BCKDHB: variants seen among roughly 807,000 people sequenced by gnomAD.
BCKDHB encodes the protein branched chain keto acid dehydrogenase E1 subunit beta.
Under a neutral mutation model 48.5 loss-of-function variants are expected in BCKDHB, and 41 were observed. That is an observed-to-expected ratio of 0.85 (90% confidence interval 0.66 to 1.10). The LOEUF is 1.10. BCKDHB is among the 50% of genes least tolerant of loss of function. BCKDHB has a pLI of 0.00. For missense variants in BCKDHB, 496 were observed against 494.2 expected (o/e 1.00, Z -0.03); for synonymous variants, 201 against 174.8 (o/e 1.15, Z -1.18).
At chr6:80,138,230 A>T (rs1371474706) in intron 3 of BCKDHB, among the ~76,000 whole-genome samples, 1 of 152,064 alleles carries the variant, frequency 6.6e-6, no homozygotes, top group Non-Finnish European at 1.5e-5. Context: ...TGTACTATAT[A>T]TTTTTCCCTC....
intron 8 of BCKDHB, among the ~76,000 whole-genome samples, chr6:80,255,253 A>AT (rs1218970587): frequency 3.3e-5 from 5 of 152,352 alleles, no homozygotes; most frequent in African/African-American, 1.2e-4. Context: ...GATAAGTACC[A>AT]TAATTATTTA....
At position 80,170,787 on chromosome 6, in the gene BCKDHB, T is replaced by C. The variant is rs144713640; in HGVS notation, c.634-495T>C. 1.7e-3 allele frequency among the ~76,000 whole-genome samples: 264 copies of C among 152,314 alleles called. 1 individual carries two copies. Among genetic ancestry groups the C allele is most frequent in the African/African-American group, 6.0e-3 (250 of 41,592 alleles). Reference sequence around the variant, plus strand: ...TAACTGGACACTATGGTGCCTGGACTGTAAAACTCAGTGGACTAATTTTTC... The same window carrying C: ...TAACTGGACACTATGGTGCCTGGACCGTAAAACTCAGTGGACTAATTTTTC... On this transcript the variant is annotated intron_variant, in intron 5 of 9. Transcript: ENST00000320393.
the BCKDHB span, among the ~76,000 whole-genome samples, chr6:80,358,285 A>G: frequency 1.3e-5 from 2 of 152,148 alleles, no homozygotes; most frequent in African/African-American, 4.8e-5. Flanking sequence ...TATACAGTAA[A>G]TATACACATA....
the BCKDHB span, among the ~76,000 whole-genome samples, chr6:80,420,740 A>T: frequency 1.3e-5 from 2 of 152,152 alleles, no homozygotes; most frequent in Admixed American, 1.3e-4. Context: ...CAGTGGTCCC[A>T]GACTATTCAG....
At chr6:80,438,945 T>C in the BCKDHB span, among the ~76,000 whole-genome samples, 366 of 152,184 alleles carry the variant, frequency 2.4e-3, 2 homozygotes, top group African/African-American at 8.5e-3. Context: ...CAGAGACAGA[T>C]TCCATCTGAA....
the BCKDHB span, among the ~76,000 whole-genome samples, chr6:80,444,797 T>C: frequency 6.6e-6 from 1 of 152,244 alleles, no homozygotes; most frequent in African/African-American, 2.4e-5. Flanking sequence ...AATTTTGTGT[T>C]TTATTATTTA....
Position 80,175,176 on chromosome 6 carries a change from G to A in BCKDHB, c.742+3786G>A, listed in dbSNP as rs138324125. On this transcript the variant is annotated intron_variant, in intron 6 of 9. Transcript: ENST00000320393. Reference sequence around the variant, plus strand: ...CTAGGTAGCTGCACCAGCTCCCAATGCCACATATGTATTTCAGCTACCAGG... The same window carrying A: ...CTAGGTAGCTGCACCAGCTCCCAATACCACATATGTATTTCAGCTACCAGG... 1.7e-3 allele frequency among the ~76,000 whole-genome samples: 265 copies of A among 152,198 alleles called. 1 individual carries two copies. The highest frequency in any genetic ancestry group is 6.0e-3 in the African/African-American group (251 of 41,540).
the BCKDHB span, among the ~76,000 whole-genome samples, chr6:80,388,799 A>G: frequency 6.6e-6 from 1 of 152,178 alleles, no homozygotes; most frequent in Non-Finnish European, 1.5e-5. Flanking sequence ...GCACCAGCTG[A>G]AAGTGGACAG....
chr6:80,333,257 C>G (rs1475663862), intron 9 of BCKDHB, among the ~76,000 whole-genome samples: 1 of 152,110 alleles, frequency 6.6e-6, no homozygotes, highest in Non-Finnish European at 1.5e-5. Flanking sequence ...TGTTGTACAC[C>G]TGTGTGATAG....
chr6:80,405,332 T>G, the BCKDHB span, among the ~76,000 whole-genome samples: 7 of 152,192 alleles, frequency 4.6e-5, no homozygotes, highest in African/African-American at 1.7e-4. Flanking sequence ...GTCTATTTTG[T>G]CTTATATAAG....
In BCKDHB at chr6:80,106,840, G is replaced by T. The variant is rs1769090217; in HGVS notation, c.147G>T (p.Arg49=). Residue 49 remains arginine (R), a synonymous_variant, in exon 1 of 10, where the codon CGG becomes CGT. Coordinates refer to ENST00000320393, the MANE Select transcript of BCKDHB (RefSeq NM_183050.4). ...CTGTCGAGGATGCGGCCCAGAGGCG[G>T]CAGGTGGCTCATTTTACTTTCCAGC... ...AATVEDAAQR[R]QVAHFTFQPD... is the part of the protein sequence containing the mutation. 1 of 1,610,418 alleles carries T rather than the reference G, an allele frequency of 6.2e-7. No homozygotes were observed.
chr6:80,418,801 C>A, the BCKDHB span, among the ~76,000 whole-genome samples: 1 of 152,118 alleles, frequency 6.6e-6, no homozygotes, highest in South Asian at 2.1e-4. Flanking sequence ...GCAGCTGCAG[C>A]AGAGTGCTAG....
chr6:80,311,750 A>G (rs951696995), intron 9 of BCKDHB, among the ~76,000 whole-genome samples: 1 of 151,900 alleles, frequency 6.6e-6, no homozygotes, highest in Non-Finnish European at 1.5e-5. Flanking sequence ...GTGTGGTTCT[A>G]TTTCTGGGTT....
chr6:80,399,266 G>A, the BCKDHB span, among the ~76,000 whole-genome samples: 1 of 151,850 alleles, frequency 6.6e-6, no homozygotes, highest in Non-Finnish European at 1.5e-5. Flanking sequence ...AATCAGGCAA[G>A]AGAAAGAAAG....
chr6:80,293,805 T>A (rs1241932508), intron 9 of BCKDHB, among the ~76,000 whole-genome samples: 2 of 152,194 alleles, frequency 1.3e-5, no homozygotes, highest in Admixed American at 6.5e-5. Context: ...TTCCACCAGA[T>A]ACCCTAAATC....
rs902689563 is a variant in BCKDHB at position 80,111,909 on chromosome 6, A to G, written c.196+5020A>G. ...CCCCCCAGAAAACCACATAATGAAT[A>G]TTTTATTCCTGATACACAACTCAAT... On this transcript the variant is annotated intron_variant, in intron 1 of 9. Coordinates refer to ENST00000320393, the MANE Select transcript of BCKDHB (RefSeq NM_183050.4). Among the ~76,000 whole-genome samples the G allele has an allele frequency of 3.9e-5, 6 of 152,132 alleles. 1 individual carries two copies. The South Asian group carries it at 6.2e-4, about 16-fold the overall frequency.
downstream of BCKDHB, among the ~76,000 whole-genome samples, chr6:80,348,112 A>T (rs567430961): frequency 2.3e-3 from 357 of 152,194 alleles, 3 homozygotes; most frequent in African/African-American, 7.5e-3. Flanking sequence ...GTACATTTTA[A>T]AAAAAAATGA....
At chr6:80,377,206 A>C in the BCKDHB span, among the ~76,000 whole-genome samples, 1 of 149,828 alleles carries the variant, frequency 6.7e-6, no homozygotes, top group African/African-American at 2.5e-5. Context: ...ACGCCTAGCT[A>C]ATTTTTTGTA....
chr6:80,282,876 T>C (rs554504252), intron 9 of BCKDHB, among the ~76,000 whole-genome samples: 32 of 152,154 alleles, frequency 2.1e-4, no homozygotes, highest in Admixed American at 1.0e-3. Flanking sequence ...TTCTTTTAAA[T>C]CTTCCTAGTT....
Sources: gnomAD v4.1 joint callset for allele counts (sites outside exome capture counted in the v4.1 genomes callset) on GRCh38, gnomAD v4.1.1 for gene constraint, MANE v1.5 for transcripts, NCBI Gene and HGNC (gene_info 2026-07-23, HGNC 2026-07-21) for gene names.